The following DNAJB6 variants were observed in gnomAD, a reference collection of about 807,000 sequenced individuals.
DNAJB6 encodes the protein dnaJ homolog subfamily B member 6.
In DNAJB6, 16 loss-of-function variants were observed where a neutral mutation model predicts 42.7. That is an observed-to-expected ratio of 0.37 (90% CI 0.25 to 0.57). DNAJB6 has a LOEUF of 0.57. DNAJB6 is among the 20% of genes least tolerant of loss of function. The pLI, the probability that DNAJB6 is intolerant of heterozygous loss-of-function variation, is 0.74. For synonymous variants in DNAJB6, 170 were observed against 163.5 expected (o/e 1.04, Z -0.30); for missense variants, 347 against 416.8 (o/e 0.83, Z 1.46).
intron 9 of DNAJB6, chr7:157,415,197 C>G (rs893381744): frequency 1.3e-5 from 2 of 152,392 alleles, no homozygotes; most frequent in East Asian, 3.9e-4. Flanking sequence ...AACATCGGGC[C>G]TGTTTCCTGC....
At chr7:157,355,891 T>C (rs1409669280) in intron 1 of DNAJB6, among the ~76,000 whole-genome samples, 4 of 152,172 alleles carry the variant, frequency 2.6e-5, no homozygotes, top group East Asian at 1.9e-4. Flanking sequence ...GTGAAGTAAA[T>C]CACAGCATTC....
chr7:157,338,200 C>T (rs1798151739), intron 1 of DNAJB6, among the ~76,000 whole-genome samples: 3 of 152,202 alleles, frequency 2.0e-5, no homozygotes. Flanking sequence ...GCTGCTGCTT[C>T]GTGTTTAACC....
At chr7:157,371,367 C>G (rs751911741) in intron 5 of DNAJB6, among the ~76,000 whole-genome samples, 8 of 152,278 alleles carry the variant, frequency 5.3e-5, no homozygotes, top group Non-Finnish European at 7.3e-5. Flanking sequence ...TGCTGTACTT[C>G]AGACCTCCCT....
At chr7:157,360,425 G>T (rs1799523884) in intron 2 of DNAJB6, among the ~76,000 whole-genome samples, 1 of 152,150 alleles carries the variant, frequency 6.6e-6, no homozygotes, top group Admixed American at 6.5e-5. Flanking sequence ...TGGGGACATA[G>T]CCAGCCCTTA....
rs538027358 is a variant in DNAJB6 at position 157,369,200 on chromosome 7, C to T, written c.346+1717C>T. On this transcript the variant is annotated intron_variant, in intron 5 of 9. Coordinates refer to ENST00000262177, the MANE Select transcript of DNAJB6 (RefSeq NM_058246.4). Reference sequence around the variant, plus strand: ...TAATCACTGCTGCCATCAGCAGAAACAGAGCTCAAGAAAGAACCATGTTTA... The same window carrying T: ...TAATCACTGCTGCCATCAGCAGAAATAGAGCTCAAGAAAGAACCATGTTTA... 27 of 444,080 alleles carry T rather than the reference C, an allele frequency of 6.1e-5. 1 individual carries two copies. The highest frequency in any genetic ancestry group is 4.3e-4 in the South Asian group (27 of 62,328). 27.5% of individuals were successfully genotyped at this position (444,080 alleles called of 1,614,324 possible).
intron 8 of DNAJB6, among the ~76,000 whole-genome samples, chr7:157,397,355 G>C (rs1322649768): frequency 2.6e-5 from 4 of 152,326 alleles, no homozygotes; most frequent in Non-Finnish European, 4.4e-5. Flanking sequence ...GCCAGGGAGA[G>C]GGGGTGCGGG....
intron 8 of DNAJB6, among the ~76,000 whole-genome samples, chr7:157,404,354 G>A (rs6972551): frequency 0.051 from 7,699 of 150,414 alleles, 624 homozygotes; most frequent in African/African-American, 0.18. Flanking sequence ...GCAGTGGTGC[G>A]ATCACAGCTC....
chr7:157,363,138 C>G (rs1440245616), intron 2 of DNAJB6, 23 bp from the exon 3 acceptor site: 3 of 1,501,536 alleles, frequency 2.0e-6, no homozygotes, highest in East Asian at 4.5e-5. Flanking sequence ...AGAATGTGAT[C>G]TATATCCTTT....
chr7:157,377,613 G>A (rs903163801), intron 5 of DNAJB6, among the ~76,000 whole-genome samples: 1 of 152,180 alleles, frequency 6.6e-6, no homozygotes, highest in African/African-American at 2.4e-5. Flanking sequence ...GGGTGGGATG[G>A]TGTGGGGTGG....
intron 1 of DNAJB6, among the ~76,000 whole-genome samples, chr7:157,354,687 T>G (rs1799181985): frequency 6.6e-6 from 1 of 152,110 alleles, no homozygotes; most frequent in Non-Finnish European, 1.5e-5. Context: ...CAGGGCAGGA[T>G]GAAATTAGAG....
At chr7:157,369,450 A>T (rs747703973) in intron 5 of DNAJB6, 1 of 451,414 alleles carries the variant, frequency 2.2e-6, no homozygotes, top group African/African-American at 2.2e-5. Flanking sequence ...TTCCAACACC[A>T]TGGCTTCTCT....
intron 8 of DNAJB6, among the ~76,000 whole-genome samples, chr7:157,404,990 G>C (rs947333445): frequency 1.5e-4 from 23 of 152,180 alleles, no homozygotes; most frequent in African/African-American, 4.6e-4. Context: ...TGAACACATT[G>C]ATGTGGTCTG....
intron 9 of DNAJB6, chr7:157,415,195 G>T (rs1291859720): frequency 6.6e-6 from 1 of 152,278 alleles, no homozygotes; most frequent in Non-Finnish European, 1.5e-5. Context: ...TCAACATCGG[G>T]CCTGTTTCCT....
rs1563136935 is a variant in DNAJB6, at chr7:157,382,261, A to G, written c.362A>G (p.Asp121Gly). 1.2e-6 allele frequency: 2 copies of G among 1,601,296 alleles called. No homozygotes were observed. The highest frequency in any genetic ancestry group is 1.8e-5 in the Admixed American group (1 of 55,930). ...SFDFFEDPFE[D>G]FFGNRRGPRG... is the part of the protein sequence containing the mutation. ...TTGATTTTAGAAGACCCTTTTGAGG[A>G]CTTCTTTGGGAATCGAAGGGGTCCC... Residue 121 changes from aspartate (D) to glycine (G), a missense_variant, in exon 6 of 10, where the codon GAC (aspartate) becomes GGC (glycine). By Grantham distance (94) the Asp-to-Gly change is moderately conservative (BLOSUM62 -1). Transcript: ENST00000262177.
At chr7:157,356,733 A>T (rs1288376208) in intron 1 of DNAJB6, among the ~76,000 whole-genome samples, 5 of 152,254 alleles carry the variant, frequency 3.3e-5, no homozygotes, top group Non-Finnish European at 5.9e-5. Flanking sequence ...AATAGGAACA[A>T]GTTTTTTTCT....
intron 8 of DNAJB6, among the ~76,000 whole-genome samples, chr7:157,389,540 C>CTT (rs1801237703): frequency 6.6e-6 from 1 of 152,198 alleles, no homozygotes; most frequent in South Asian, 2.1e-4. Context: ...GGCATGAGAT[C>CTT]TTACCCTTTG....
chr7:157,340,793 CA>C (rs895147654), intron 1 of DNAJB6, among the ~76,000 whole-genome samples: 26 of 152,064 alleles, frequency 1.7e-4, no homozygotes, highest in Admixed American at 1.5e-3. Flanking sequence ...TTCAGCCTGC[CA>C]GGTAGCTGGG....
chr7:157,358,868 A>G (rs1317693392), intron 2 of DNAJB6, among the ~76,000 whole-genome samples: 1 of 152,162 alleles, frequency 6.6e-6, no homozygotes, highest in Non-Finnish European at 1.5e-5. Context: ...TGATTGTTTC[A>G]CTGAGGATGT....
chr7:157,394,969 T>C (rs1422479122), intron 8 of DNAJB6, among the ~76,000 whole-genome samples: 1 of 152,128 alleles, frequency 6.6e-6, no homozygotes, highest in Non-Finnish European at 1.5e-5. Context: ...TGCACGCCTC[T>C]AGTCCCAGCT....
Sources: allele counts gnomAD v4.1 joint callset (sites outside exome capture counted in the v4.1 genomes callset), GRCh38; gene constraint gnomAD v4.1.1; transcripts MANE v1.5; gene names NCBI Gene and HGNC (gene_info 2026-07-23, HGNC 2026-07-21).